Variants in RPH3AL observed in about 807,000 individuals in gnomAD.
RPH3AL encodes rab effector Noc2.
RPH3AL carries 38 observed loss-of-function variants against 43.1 expected under a neutral mutation model. The ratio of observed to expected loss-of-function variants is 0.88; its 90% confidence interval spans 0.68 to 1.15. The LOEUF (loss-of-function observed/expected upper bound fraction) is 1.15, where lower values mean the gene tolerates loss of function less well. RPH3AL is among the 50% of genes most tolerant of loss of function. The pLI, the probability that RPH3AL is intolerant of heterozygous loss-of-function variation, is 0.00. For synonymous variants in RPH3AL, 189 were observed against 176.3 expected, an observed-to-expected ratio of 1.07 and a Z score of -0.57; for missense variants, 462 against 423.2, an observed-to-expected ratio of 1.09 and a Z score of -0.81.
chr17:272,990 C>CAGGGAGAGACCCCAGCG (rs2042529693), intron 6 of RPH3AL, among the ~76,000 whole-genome samples: 4 of 119,888 alleles, frequency 3.3e-5, no homozygotes, highest in African/African-American at 5.5e-5. Flanking sequence ...AGGGCTACGT[C>CAGGGAGAGACCCCAGCG]AGGGTGAGAC....
chr17:282,276 C>T (rs1005139920), intron 5 of RPH3AL, among the ~76,000 whole-genome samples: 11 of 152,214 alleles, frequency 7.2e-5, no homozygotes, highest in Admixed American at 2.0e-4. Flanking sequence ...CATACGTTTG[C>T]GTATAACCCG....
chr17:240,574 T>C (rs2041505276), intron 7 of RPH3AL, among the ~76,000 whole-genome samples: 3 of 152,168 alleles, frequency 2.0e-5, no homozygotes, highest in Admixed American at 2.0e-4. Flanking sequence ...TCCGGCTTCT[T>C]CCACTTCGCA....
intron 7 of RPH3AL, among the ~76,000 whole-genome samples, chr17:227,329 CG>C (rs1567565229): frequency 2.0e-5 from 3 of 147,208 alleles, no homozygotes. Flanking sequence ...GTACACGGAG[CG>C]GGGGGAAGAG....
At chr17:327,306 G>A (rs1161037507) in intron 3 of RPH3AL, among the ~76,000 whole-genome samples, 161 bp downstream of exon 3, 1 of 152,220 alleles carries the variant, frequency 6.6e-6, no homozygotes, top group African/African-American at 2.4e-5. Context: ...AGTTAAATGA[G>A]TGAATGGCTG....
intron 6 of RPH3AL, among the ~76,000 whole-genome samples, chr17:259,144 G>T (rs2042141759): frequency 6.6e-6 from 1 of 152,168 alleles, no homozygotes; most frequent in African/African-American, 2.4e-5. Flanking sequence ...TGTAGTCCAG[G>T]TGGAAGGTCT....
intron 5 of RPH3AL, among the ~76,000 whole-genome samples, chr17:291,469 T>C (rs1031306719): frequency 6.6e-6 from 1 of 152,100 alleles, no homozygotes. Context: ...AATCGGCAGG[T>C]GAGCTGGTTT....
intron 5 of RPH3AL, among the ~76,000 whole-genome samples, chr17:296,983 G>A (rs996708063): frequency 2.6e-5 from 4 of 152,302 alleles, no homozygotes; most frequent in East Asian, 3.9e-4. Context: ...CCGTAACACC[G>A]ATTTTCCCCA....
chr17:295,856 G>A (rs1258385324), intron 5 of RPH3AL, among the ~76,000 whole-genome samples: 2 of 136,706 alleles, frequency 1.5e-5, no homozygotes, highest in Admixed American at 7.0e-5. Context: ...ACAGCAGAGG[G>A]AATGCACATC....
In RPH3AL at chr17:213,869, A is replaced by G. The variant is rs866995101; in HGVS notation, c.931T>C (p.Ser311Pro). ...CAGACACCTCAGCCCAGGCAGCTGG[A>G]GGGGCCTGCTGGAGCTGCGTCAGCA... ...PAADAAPAGP[S>P]SCLG The change falls in exon 10 of 10, where the codon TCC becomes CCC. Residue 311 changes from serine to proline, a missense_variant. Physicochemically the swap from Ser to Pro is moderately conservative, Grantham distance 74. Coordinates refer to ENST00000331302, the MANE Select transcript of RPH3AL (RefSeq NM_006987.4). 6.2e-6 allele frequency: 10 copies of G among 1,613,590 alleles called. 1 individual carries two copies. In the Middle Eastern group the frequency reaches 1.5e-3, roughly 246 times the overall value.
intron 6 of RPH3AL, among the ~76,000 whole-genome samples, chr17:261,156 A>G (rs2042186537): frequency 6.6e-6 from 1 of 152,176 alleles, no homozygotes; most frequent in African/African-American, 2.4e-5. Context: ...AAGTAACTCA[A>G]GTTACTTAGG....
chr17:276,161 T>C lies in RPH3AL; in HGVS notation c.438+5607A>G, dbSNP rs574038528. 4.1e-4 allele frequency among the ~76,000 whole-genome samples: 63 copies of C among 152,170 alleles called. 1 individual carries two copies. The South Asian group carries it at 0.012, about 30-fold the overall frequency. On this transcript the variant is annotated intron_variant, in intron 6 of 9. Transcript: ENST00000331302. ...TTTAAAATAACCAATGAGAAGCAAA[T>C]GATAAGGAAACATCTGTGGCTGTTA...
chr17:261,854 G>A (rs782775660), intron 6 of RPH3AL: 8 of 152,168 alleles, frequency 5.3e-5, no homozygotes, highest in Non-Finnish European at 1.2e-4. Flanking sequence ...TGAGCTGAGG[G>A]GAAGTTCCCG....
intron 6 of RPH3AL, among the ~76,000 whole-genome samples, chr17:258,533 G>A (rs375099168): frequency 3.3e-5 from 5 of 152,276 alleles, no homozygotes; most frequent in South Asian, 4.1e-4. Context: ...GACTGCCCAG[G>A]GTGCTCCCAG....
chr17:263,865 C>G (rs2151575932), intron 6 of RPH3AL, among the ~76,000 whole-genome samples: 1 of 152,342 alleles, frequency 6.6e-6, no homozygotes, highest in African/African-American at 2.4e-5. Context: ...ATCACTGCAC[C>G]CACCTAACCG....
chr17:241,870 C>T (rs926017657), intron 7 of RPH3AL, among the ~76,000 whole-genome samples: 2 of 151,978 alleles, frequency 1.3e-5, no homozygotes, highest in African/African-American at 4.8e-5. Flanking sequence ...AATCCCCGCA[C>T]TTTGGGAGGC....
chr17:226,300 G>C (rs913011146), intron 7 of RPH3AL, among the ~76,000 whole-genome samples: 1 of 151,988 alleles, frequency 6.6e-6, no homozygotes, highest in Non-Finnish European at 1.5e-5. Context: ...GGAAGCCGAT[G>C]AGACAGACTC....
At chr17:281,959 C>G in intron 5 of RPH3AL, 105 bp from the exon 6 acceptor site, 1 of 828,694 alleles carries the variant, frequency 1.2e-6, no homozygotes, top group South Asian at 1.4e-5. Flanking sequence ...TTCCAAGGAG[C>G]GTCTCTTGCT....
chr17:296,555 T>C (rs2043185869), intron 5 of RPH3AL, among the ~76,000 whole-genome samples: 1 of 152,132 alleles, frequency 6.6e-6, no homozygotes, highest in Admixed American at 6.5e-5. Flanking sequence ...ACCTTGGTAA[T>C]GAGATTCAGG....
At chr17:233,067 G>A (rs77252437) in intron 7 of RPH3AL, among the ~76,000 whole-genome samples, 2,807 of 151,972 alleles carry the variant, frequency 0.018, 85 homozygotes, top group African/African-American at 0.065. Flanking sequence ...CTTAGTGAGC[G>A]CTTATCAAAG....
Sources: allele counts gnomAD v4.1 joint callset (sites outside exome capture counted in the v4.1 genomes callset), GRCh38; gene constraint gnomAD v4.1.1; transcripts MANE v1.5; gene names NCBI Gene and HGNC (gene_info 2026-07-23, HGNC 2026-07-21).